NSD2: variants seen among roughly 807,000 people sequenced by gnomAD.
NSD2 encodes the protein histone-lysine N-methyltransferase NSD2.
A neutral mutation model predicts 139.0 loss-of-function variants in NSD2; 12 were observed. That is an observed-to-expected ratio of 0.09 (90% CI 0.06 to 0.14). NSD2 has a LOEUF of 0.14. NSD2 is among the 10% of genes least tolerant of loss of function. NSD2 has a pLI of 1.00. For synonymous variants in NSD2, 669 were observed against 648.7 expected (o/e 1.03, Z -0.48); for missense variants, 1,155 against 1,745.0 (o/e 0.66, Z 6.02).
intron 5 of NSD2, among the ~76,000 whole-genome samples, chr4:1,923,811 T>C (rs949286464): frequency 1.3e-5 from 2 of 152,190 alleles, no homozygotes; most frequent in African/African-American, 4.8e-5. Context: ...GTTCCTACAG[T>C]GTAACTACAC....
intron 18 of NSD2, among the ~76,000 whole-genome samples, chr4:1,968,124 A>G (rs1429943217): frequency 1.3e-5 from 2 of 152,244 alleles, no homozygotes; most frequent in African/African-American, 4.8e-5. Flanking sequence ...CTTATCTGTG[A>G]CTTCAGACAA....
rs1382949463 is a variant in NSD2 at position 1,972,886 on chromosome 4, T to C, written c.3373-1977T>C. 6.6e-6 allele frequency among the ~76,000 whole-genome samples: 1 copy of C among 152,178 alleles called. No homozygotes were observed. Among genetic ancestry groups the C allele is most frequent in the Non-Finnish European group, 1.5e-5 (1 of 68,028 alleles). ...TTTCTTTTTGGAGACGGAGTCTCAC[T>C]CTGTCGCCTAGGCTGGAGTTCAGTG... On this transcript the variant is annotated intron_variant, in intron 18 of 21. Coordinates refer to ENST00000508803, the MANE Select transcript of NSD2 (RefSeq NM_001042424.3). The surrounding 1 kb of genome is among the most constrained non-coding windows in gnomAD (Gnocchi z 4.0).
intron 16 of NSD2, among the ~76,000 whole-genome samples, chr4:1,959,113 A>G (rs1250935564): frequency 6.6e-6 from 1 of 152,236 alleles, no homozygotes; most frequent in African/African-American, 2.4e-5. Flanking sequence ...AGCTCTTACC[A>G]GCGTTTGCTG....
chr4:1,919,395 G>A (rs1719831484), intron 5 of NSD2, among the ~76,000 whole-genome samples: 1 of 152,222 alleles, frequency 6.6e-6, no homozygotes, highest in South Asian at 2.1e-4. Flanking sequence ...GGGTAGCAAT[G>A]TGATTAAGAC....
intron 1 of NSD2, among the ~76,000 whole-genome samples, chr4:1,878,536 G>A (rs1279697057): frequency 1.3e-5 from 2 of 151,990 alleles, no homozygotes; most frequent in Non-Finnish European, 2.9e-5. Context: ...TGAAGGCAGG[G>A]ACTTTTTTCC....
rs1722267370 is a variant in NSD2, at chr4:1,935,338, G to T, written c.1674+76G>T. 9 of 1,146,770 alleles carry T rather than the reference G, an allele frequency of 7.8e-6. No homozygotes were observed. In the South Asian group the frequency reaches 1.2e-4, roughly 16 times the overall value. 71.0% of individuals were successfully genotyped at this position (1,146,770 alleles called of 1,614,324 possible). A position where few individuals can be genotyped will look rare whatever the true frequency, so the allele number is the denominator to read the frequency against. On this transcript the variant is annotated intron_variant, in intron 7 of 21. Transcript: ENST00000508803. ...TCTTGGTGCCACTGTTTCCCTGCAT[G>T]GGAGCACACATGAGATGCAGGTGTC...
Position 1,979,116 on chromosome 4 carries a change from CA to C in NSD2, c.*208del. 1 of 511,212 alleles carries C rather than the reference CA, an allele frequency of 2.0e-6. No homozygotes were observed. The highest frequency in any genetic ancestry group is 3.2e-6 in the Non-Finnish European group (1 of 313,954). The allele number at this position is 511,212 out of a possible 1,614,324, so 31.7% of individuals were successfully genotyped here. On this transcript the variant is annotated 3_prime_UTR_variant, in exon 22 of 22. Transcript: ENST00000508803. ...GTCTGCACTGATGACCGTCTGAGCC[CA>C]GCTCAGCGTTCCTGGACAAACAGCC...
chr4:1,973,519 A>G lies in NSD2; in HGVS notation c.3373-1344A>G, dbSNP rs1726718196. 6.6e-6 allele frequency among the ~76,000 whole-genome samples: 1 copy of G among 152,238 alleles called. No homozygotes were observed. ...GAGCACCCCCACTTCTGTGTTGAAG[A>G]GTGGCACTCTGGGTTGATTAGTGCA... On this transcript the variant is annotated intron_variant, in intron 18 of 21. Coordinates refer to ENST00000508803, the MANE Select transcript of NSD2 (RefSeq NM_001042424.3). The surrounding 1 kb of genome is among the most constrained non-coding windows in gnomAD (Gnocchi z 5.5).
rs533198007 is a variant in NSD2, at chr4:1,981,376, G to A, written c.*2467G>A. On this transcript the variant is annotated 3_prime_UTR_variant, in exon 22 of 22. Coordinates refer to ENST00000508803, the MANE Select transcript of NSD2 (RefSeq NM_001042424.3). Reference sequence around the variant, plus strand: ...GTGACCGTGGGTGTGGCTGGCTCTCGGCCCTGCCCAGCTTTGTTCTGAGGA... The same window carrying A: ...GTGACCGTGGGTGTGGCTGGCTCTCAGCCCTGCCCAGCTTTGTTCTGAGGA... 9.0e-5 allele frequency: 21 copies of A among 233,386 alleles called. No individual in the cohort carries two copies. Among genetic ancestry groups the A allele is most frequent in the African/African-American group, 3.7e-4 (17 of 45,444 alleles). 14.5% of individuals were successfully genotyped at this position (233,386 alleles called of 1,614,324 possible). A position where few individuals can be genotyped will look rare whatever the true frequency, so the allele number is the denominator to read the frequency against.
chr4:1,887,222 G>A (rs891034130), intron 1 of NSD2, among the ~76,000 whole-genome samples: 2 of 152,078 alleles, frequency 1.3e-5, no homozygotes, highest in African/African-American at 4.8e-5. Flanking sequence ...AGGCTGCTTG[G>A]GCTTCCTTGC....
chr4:1,940,470 CA>C, intron 9 of NSD2: 1 of 1,063,728 alleles, frequency 9.4e-7, no homozygotes, highest in Non-Finnish European at 1.1e-6. Flanking sequence ...TTGCCGTTGC[CA>C]AAAACAACAA....
chr4:1,933,738 C>T (rs1402728458), intron 6 of NSD2, among the ~76,000 whole-genome samples: 1 of 152,082 alleles, frequency 6.6e-6, no homozygotes, highest in Non-Finnish European at 1.5e-5. Flanking sequence ...AACCCTGAAC[C>T]CCTCCGTAAA....
chr4:1,873,649 CCTT>C (rs1372688893), intron 1 of NSD2, among the ~76,000 whole-genome samples: 1 of 152,148 alleles, frequency 6.6e-6, no homozygotes, highest in Non-Finnish European at 1.5e-5. Context: ...ATTATCTTCT[CCTT>C]CTAAAAGTAA....
At chr4:1,875,104 G>A (rs1306531665) in intron 1 of NSD2, among the ~76,000 whole-genome samples, 1 of 152,022 alleles carries the variant, frequency 6.6e-6, no homozygotes, top group African/African-American at 2.4e-5. Flanking sequence ...TAGGACTACA[G>A]GCAGATGCCA....
chr4:1,925,354 T>C (rs946009411), intron 5 of NSD2, among the ~76,000 whole-genome samples: 1 of 151,500 alleles, frequency 6.6e-6, no homozygotes, highest in East Asian at 1.9e-4. Context: ...TTGTTGCTAC[T>C]TGCTGACTCT....
chr4:1,935,246 AG>A lies in NSD2; in HGVS notation c.1659del (p.Lys553AsnfsTer45). On this transcript the variant is annotated frameshift_variant, in exon 7 of 22. Coordinates refer to ENST00000508803, the MANE Select transcript of NSD2 (RefSeq NM_001042424.3). LOFTEE classifies it high-confidence loss of function. ...DTPRKRLRTD[K>X]HSLRKRDTIT... ...CCCAGGAAAAGACTCAGGACGGACA[AG>A]CACAGTCTTCGGAAGGTAATTGTGT... 1 of 1,613,074 alleles carries A rather than the reference AG, an allele frequency of 6.2e-7. No homozygotes were observed.
At position 1,919,775 on chromosome 4, in the gene NSD2, T is replaced by G. The variant is rs1030330899; in HGVS notation, c.1410+1152T>G. ...GATGAAACCCCGTCTCTACTAAAAA[T>G]ACAAAAAAAAATTAGCTGGGCATGG... On this transcript the variant is annotated intron_variant, in intron 5 of 21. Coordinates refer to ENST00000508803, the MANE Select transcript of NSD2 (RefSeq NM_001042424.3). 4.6e-5 allele frequency among the ~76,000 whole-genome samples: 7 copies of G among 151,686 alleles called. No individual in the cohort carries two copies. The South Asian group carries it at 1.5e-3, about 32-fold the overall frequency.
intron 9 of NSD2, chr4:1,943,660 T>A: frequency 9.5e-7 from 1 of 1,048,524 alleles, no homozygotes; most frequent in Non-Finnish European, 1.2e-6. Flanking sequence ...AAAGATGGTC[T>A]AGGAGCAATC....
intron 7 of NSD2, among the ~76,000 whole-genome samples, chr4:1,935,839 C>T (rs997105985): frequency 5.3e-5 from 8 of 151,542 alleles, no homozygotes; most frequent in East Asian, 3.9e-4. Flanking sequence ...CCAGCCTGGG[C>T]GACACAGCAA....
Sources: allele counts gnomAD v4.1 joint callset (sites outside exome capture counted in the v4.1 genomes callset), GRCh38; gene constraint gnomAD v4.1.1; non-coding constraint Gnocchi (gnomAD v3.1); transcripts MANE v1.5; gene names NCBI Gene and HGNC (gene_info 2026-07-23, HGNC 2026-07-21).